Variants in KARS1 observed in about 807,000 individuals in gnomAD.
KARS1 encodes lysyl-tRNA synthetase 1.
A neutral mutation model predicts 63.9 loss-of-function variants in KARS1; 50 were observed. The ratio of observed to expected loss-of-function variants is 0.78; its 90% CI spans 0.62 to 0.99. The LOEUF (loss-of-function observed/expected upper bound fraction) is 0.99. Ranked by LOEUF, KARS1 falls within the 50% of genes least tolerant of loss-of-function variation. The pLI is 0.00. For synonymous variants in KARS1, 320 were observed against 264.6 expected (o/e 1.21, Z -2.03); for missense variants, 816 against 754.5 (o/e 1.08, Z -0.95).
chr16:75,638,259 G>A (rs751792156), intron 3 of KARS1, among the ~76,000 whole-genome samples: 3 of 150,988 alleles, frequency 2.0e-5, no homozygotes, highest in Non-Finnish European at 2.9e-5. Flanking sequence ...GGACACATGT[G>A]CAGAACACGC....
chr16:75,632,563 A>T (rs902080863), intron 7 of KARS1, among the ~76,000 whole-genome samples: 5 of 152,220 alleles, frequency 3.3e-5, no homozygotes, highest in Admixed American at 3.3e-4. Context: ...GGGGCCAGTC[A>T]CACGTAGCTT....
intron 7 of KARS1, among the ~76,000 whole-genome samples, chr16:75,633,345 C>A (rs34838148): frequency 0.041 from 6,221 of 152,194 alleles, 178 homozygotes; most frequent in South Asian, 0.056. Flanking sequence ...ACCCCCGCAG[C>A]TAATGCCCTC....
At chr16:75,647,159 A>G (rs1006313874) in intron 1 of KARS1, among the ~76,000 whole-genome samples, 2 of 152,176 alleles carry the variant, frequency 1.3e-5, no homozygotes, top group Non-Finnish European at 2.9e-5. Context: ...AGGCCCAGAA[A>G]ATTTTGAAGG....
rs77573084 is a variant in KARS1, at chr16:75,631,248, G to A, written c.1258C>T (p.Arg420Cys). 2.9e-3 allele frequency: 4,707 copies of A among 1,613,744 alleles called. 12 individuals are homozygous for A. The highest frequency in any genetic ancestry group is 3.8e-3 in the Non-Finnish European group (4,432 of 1,179,792). Reference protein sequence around the residue: ...ETNLFETEETRKILDDICVAK... With the variant: ...ETNLFETEETCKILDDICVAK... The stretch of plus-strand genomic sequence containing the variant: ...ACACAGATATCATCAAGAATTTTGC[G>A]AGTTTCTGGGACACAAATGCAAAAG... Residue 420 changes from arginine (R) to cysteine (C), a missense_variant, in exon 10 of 14, where the codon CGC (arginine) becomes TGC (cysteine). Physicochemically the swap from Arg to Cys is radical, Grantham distance 180. Transcript: ENST00000302445.
At chr16:75,636,225 A>AG (rs1597169734) in intron 4 of KARS1, 127 bp from the exon 5 acceptor site, 1 of 722,486 alleles carries the variant, frequency 1.4e-6, no homozygotes, top group East Asian at 2.7e-5. Context: ...CGTCAGATTC[A>AG]GGGGCCACTA....
chr16:75,630,412 T>G lies in KARS1; in HGVS notation c.1424+11A>C. 6.5e-7 allele frequency: 1 copy of G among 1,533,408 alleles called. No homozygotes were observed. The highest frequency in any genetic ancestry group is 2.2e-5 in the East Asian group (1 of 44,510). 95.0% of individuals were successfully genotyped at this position (1,533,408 alleles called of 1,614,324 possible). ...GGGCTGTTATGCAGCAATAGGTAAC[T>G]GGAATCTTACCATTTAGCCAAAGGG... is the stretch of plus-strand genomic sequence containing the variant. On this transcript the variant is annotated intron_variant, in intron 11 of 13. Transcript: ENST00000302445.
At chr16:75,646,593 G>C (rs1338231031) in intron 1 of KARS1, among the ~76,000 whole-genome samples, 1 of 151,864 alleles carries the variant, frequency 6.6e-6, no homozygotes, top group African/African-American at 2.4e-5. Context: ...TCAGGGTCTG[G>C]CTCCGTCTCA....
Position 75,631,837 on chromosome 16 carries a change from T to C in KARS1, c.934A>G (p.Ile312Val), listed in dbSNP as rs2082118302. 6.2e-7 allele frequency: 1 copy of C among 1,613,938 alleles called. No homozygotes were observed. Residue 312 changes from isoleucine (I) to valine (V), a missense_variant, in exon 8 of 14, where the codon ATC (isoleucine) becomes GTC (valine). Transcript: ENST00000302445. ...LYHKMLVVGG[I>V]DRVYEIGRQF... ...CGTCCAATTTCATAAACCCGGTCGA[T>C]GCCACCAACCACAAGCATCTAACAA...
chr16:75,647,035 A>G (rs1179623860), intron 1 of KARS1, among the ~76,000 whole-genome samples: 1 of 152,216 alleles, frequency 6.6e-6, no homozygotes, highest in Non-Finnish European at 1.5e-5. Context: ...CTCTACTGTT[A>G]GACGTTGATC....
At chr16:75,628,023 T>A (rs1253269425) in intron 13 of KARS1, 30 bp from the exon 14 acceptor site, 1 of 1,294,556 alleles carries the variant, frequency 7.7e-7, no homozygotes, top group Non-Finnish European at 1.1e-6. Context: ...ACCTTGAAGC[T>A]GAGAAGCACT....
At chr16:75,635,541 C>A in intron 6 of KARS1, 139 bp downstream of exon 6, 1 of 978,510 alleles carries the variant, frequency 1.0e-6, no homozygotes. Context: ...AGAACAGAGA[C>A]GATGGCAAGA....
At chr16:75,633,205 G>C (rs905235539) in intron 7 of KARS1, among the ~76,000 whole-genome samples, 1 of 152,134 alleles carries the variant, frequency 6.6e-6, no homozygotes, top group East Asian at 1.9e-4. Flanking sequence ...GCTCAGGGTC[G>C]GCCGCAATGA....
intron 3 of KARS1, 30 bp from the exon 4 acceptor site, chr16:75,636,577 G>A (rs1357470062): frequency 1.5e-6 from 2 of 1,335,308 alleles, no homozygotes; most frequent in African/African-American, 1.4e-5. Flanking sequence ...AATACTGACT[G>A]ACAGAACCAG....
At chr16:75,628,507 C>T (rs915079561) in intron 13 of KARS1, 62 bp downstream of exon 13, 6 of 1,583,604 alleles carry the variant, frequency 3.8e-6, no homozygotes, top group Middle Eastern at 2.2e-4. Context: ...GCCCACCATG[C>T]CCTGGCTCCA....
chr16:75,640,086 A>T, intron 3 of KARS1, 98 bp downstream of exon 3: 1 of 952,438 alleles, frequency 1.0e-6, no homozygotes, highest in Non-Finnish European at 1.7e-6. Context: ...GACACAGGCT[A>T]CTTGAGAACA....
At chr16:75,639,259 T>G (rs2082196618) in intron 3 of KARS1, among the ~76,000 whole-genome samples, 1 of 151,792 alleles carries the variant, frequency 6.6e-6, no homozygotes, top group Admixed American at 6.6e-5. Context: ...AATACTGAAC[T>G]AGAATAACTA....
At chr16:75,628,428 G>A in intron 13 of KARS1, 141 bp downstream of exon 13, 2 of 944,204 alleles carry the variant, frequency 2.1e-6, no homozygotes, top group Non-Finnish European at 1.7e-6. Context: ...GCCCTCCTGT[G>A]AGTGGCATGG....
At position 75,628,616 on chromosome 16, in the gene KARS1, C is replaced by A. The variant is rs374972641; in HGVS notation, c.1648G>T (p.Gly550Cys). The change falls in exon 13 of 14, where the codon GGC becomes TGC. Residue 550 changes from glycine (G) to cysteine (C), a missense_variant. Gly to Cys is a radical substitution (Grantham distance 159). Coordinates refer to ENST00000302445, the MANE Select transcript of KARS1 (RefSeq NM_005548.3). ...GLPPTAGWGM[G>C]IDRVAMFLTD... The stretch of plus-strand genomic sequence containing the variant: ...AGAAACATGGCGACTCGATCAATGC[C>A]CATGCCCCAGCCAGCTGTGGGGGGC... The A allele has an allele frequency of 6.2e-7, 1 of 1,614,042 alleles. No individual in the cohort carries two copies. The highest frequency in any genetic ancestry group is 1.3e-5 in the African/African-American group (1 of 74,934).
chr16:75,641,889 A>C (rs967831155), intron 1 of KARS1, among the ~76,000 whole-genome samples, 166 bp from the exon 2 acceptor site: 1 of 152,168 alleles, frequency 6.6e-6, no homozygotes, highest in African/African-American at 2.4e-5. Flanking sequence ...GCTTGTCACT[A>C]AACTCTTTAT....
Sources: gnomAD v4.1 joint callset for allele counts (sites outside exome capture counted in the v4.1 genomes callset) on GRCh38, gnomAD v4.1.1 for gene constraint, MANE v1.5 for transcripts, NCBI Gene and HGNC (gene_info 2026-07-23, HGNC 2026-07-21) for gene names.